The following KCNH8 variants were observed in gnomAD, a reference collection of about 807,000 sequenced individuals.
KCNH8 encodes potassium voltage-gated channel subfamily H member 8.
Under a neutral mutation model 103.6 loss-of-function variants are expected in KCNH8, and 70 were observed. The ratio of observed to expected loss-of-function variants is 0.68; its 90% confidence interval spans 0.56 to 0.82. The LOEUF (loss-of-function observed/expected upper bound fraction) is 0.82, where lower values mean the gene tolerates loss of function less well. KCNH8 is among the 40% of genes least tolerant of loss of function. The probability of loss-of-function intolerance (pLI) is 0.00; values close to 1 mark genes in which losing one functional copy is unlikely to be tolerated. For synonymous variants in KCNH8, 498 were observed against 489.4 expected, an observed-to-expected ratio of 1.02 and a Z score of -0.23; for missense variants, 1,217 against 1,329.9, an observed-to-expected ratio of 0.92 and a Z score of 1.32.
intron 1 of KCNH8, among the ~76,000 whole-genome samples, chr3:19,243,701 A>G (rs184268130): frequency 2.8e-4 from 43 of 152,338 alleles, no homozygotes; most frequent in Admixed American, 2.7e-3. Flanking sequence ...TAAAAGACCT[A>G]TCAGTGTAAA....
intron 7 of KCNH8, among the ~76,000 whole-genome samples, chr3:19,428,509 G>A (rs1412625026): frequency 2.0e-5 from 3 of 152,060 alleles, no homozygotes; most frequent in Non-Finnish European, 4.4e-5. Flanking sequence ...ATAATTTTCA[G>A]TAAAACAGAA....
At chr3:19,471,829 T>C (rs1023881727) in intron 11 of KCNH8, among the ~76,000 whole-genome samples, 3 of 152,326 alleles carry the variant, frequency 2.0e-5, no homozygotes, top group Non-Finnish European at 2.9e-5. Context: ...TGCCTAATCC[T>C]GTGATTACTG....
chr3:19,329,110 A>T (rs1170545483), intron 3 of KCNH8, among the ~76,000 whole-genome samples: 1 of 152,116 alleles, frequency 6.6e-6, no homozygotes, highest in African/African-American at 2.4e-5. Flanking sequence ...TAACCCCAAT[A>T]TTTCTTTTAA....
intron 7 of KCNH8, among the ~76,000 whole-genome samples, chr3:19,397,176 C>A (rs374409942): frequency 6.6e-6 from 1 of 151,842 alleles, no homozygotes; most frequent in Non-Finnish European, 1.5e-5. Flanking sequence ...TACCCCCTTA[C>A]TTGTATTCTT....
chr3:19,190,644 T>C (rs1372921136), intron 1 of KCNH8, among the ~76,000 whole-genome samples: 1 of 151,954 alleles, frequency 6.6e-6, no homozygotes, highest in African/African-American at 2.4e-5. Context: ...AGAAGCCTGA[T>C]GGATTTAATG....
intron 3 of KCNH8, among the ~76,000 whole-genome samples, chr3:19,340,802 G>A (rs752155072): frequency 2.0e-5 from 3 of 152,062 alleles, no homozygotes; most frequent in Non-Finnish European, 4.4e-5. Context: ...TAAAACCAGT[G>A]GCAAATCCAT....
intron 3 of KCNH8, among the ~76,000 whole-genome samples, chr3:19,282,066 A>G (rs2064763894): frequency 6.6e-6 from 1 of 152,100 alleles, no homozygotes; most frequent in Non-Finnish European, 1.5e-5. Context: ...CTATGTAGTA[A>G]GTTCTTTTTT....
chr3:19,282,805 A>T (rs779396997), intron 3 of KCNH8, among the ~76,000 whole-genome samples: 1 of 152,190 alleles, frequency 6.6e-6, no homozygotes, highest in Non-Finnish European at 1.5e-5. Flanking sequence ...CAATAAAAAT[A>T]CTCATTTTTG....
intron 1 of KCNH8, among the ~76,000 whole-genome samples, chr3:19,233,000 T>G (rs1242223453): frequency 6.6e-6 from 1 of 152,034 alleles, no homozygotes; most frequent in Non-Finnish European, 1.5e-5. Context: ...GGCCATTTTC[T>G]AATGTTTTGA....
At chr3:19,300,300 G>C (rs150504693) in intron 3 of KCNH8, among the ~76,000 whole-genome samples, 1 of 151,956 alleles carries the variant, frequency 6.6e-6, no homozygotes, top group East Asian at 1.9e-4. Flanking sequence ...TGTTATATAA[G>C]TATGGCAAAA....
chr3:19,303,618 A>G (rs1383633125), intron 3 of KCNH8, among the ~76,000 whole-genome samples: 1 of 152,150 alleles, frequency 6.6e-6, no homozygotes, highest in Non-Finnish European at 1.5e-5. Flanking sequence ...TTCCAAAGCT[A>G]TCACGTTCCC....
chr3:19,482,065 G>A (rs935374650), intron 11 of KCNH8, among the ~76,000 whole-genome samples: 4 of 152,180 alleles, frequency 2.6e-5, no homozygotes, highest in African/African-American at 9.7e-5. Flanking sequence ...ACAACTCTAA[G>A]GGTGTCCATG....
intron 11 of KCNH8, among the ~76,000 whole-genome samples, chr3:19,461,442 T>C (rs1380083116): frequency 1.3e-5 from 2 of 152,186 alleles, no homozygotes; most frequent in African/African-American, 4.8e-5. Flanking sequence ...TTCTCTACCC[T>C]GGTGTCAGAC....
intron 5 of KCNH8, among the ~76,000 whole-genome samples, chr3:19,353,672 A>G (rs1350887180): frequency 6.6e-6 from 1 of 152,222 alleles, no homozygotes; most frequent in African/African-American, 2.4e-5. Context: ...GGCCTTCGAC[A>G]AAATTCAGCA....
intron 3 of KCNH8, among the ~76,000 whole-genome samples, chr3:19,310,927 A>T (rs1015996630): frequency 6.6e-6 from 1 of 151,776 alleles, no homozygotes; most frequent in Non-Finnish European, 1.5e-5. Flanking sequence ...AGCACTTGTA[A>T]CCCTGTTACA....
At chr3:19,228,339 G>A (rs1415200159) in intron 1 of KCNH8, among the ~76,000 whole-genome samples, 2 of 150,288 alleles carry the variant, frequency 1.3e-5, no homozygotes, top group African/African-American at 4.8e-5. Context: ...GGCCTTTTAC[G>A]GAAGAATTTG....
intron 1 of KCNH8, among the ~76,000 whole-genome samples, chr3:19,225,787 G>T (rs1292192103): frequency 6.6e-6 from 1 of 152,060 alleles, no homozygotes; most frequent in African/African-American, 2.4e-5. Context: ...GGCTGATTCG[G>T]ATAATATTTA....
chr3:19,234,506 A>G (rs566871242), intron 1 of KCNH8, among the ~76,000 whole-genome samples: 30 of 152,288 alleles, frequency 2.0e-4, no homozygotes, highest in African/African-American at 6.7e-4. Flanking sequence ...TCACTGCCCC[A>G]GGCGGGTGGG....
At chr3:19,156,732 G>T (rs1041241314) in intron 1 of KCNH8, among the ~76,000 whole-genome samples, 8 of 152,112 alleles carry the variant, frequency 5.3e-5, no homozygotes, top group African/African-American at 1.7e-4. Context: ...TGTCTGTGAA[G>T]ATATTCTAAT....
Sources: allele counts gnomAD v4.1 joint callset (sites outside exome capture counted in the v4.1 genomes callset), GRCh38; gene constraint gnomAD v4.1.1; transcripts MANE v1.5; gene names NCBI Gene and HGNC (gene_info 2026-07-23, HGNC 2026-07-21).